NPAS3: variants seen among roughly 807,000 people sequenced by gnomAD.
The protein encoded by NPAS3 is neuronal PAS domain-containing protein 3.
In NPAS3, 14 loss-of-function variants were observed where a neutral mutation model predicts 73.1. The observed-to-expected ratio is 0.19, with a 90% CI of 0.13 to 0.30. The LOEUF (loss-of-function observed/expected upper bound fraction) is 0.30. NPAS3 is among the 10% of genes least tolerant of loss of function. The probability of loss-of-function intolerance (pLI) is 1.00; values close to 1 mark genes in which losing one functional copy is unlikely to be tolerated. For missense variants in NPAS3, 1,096 were observed against 1,250.0 expected (o/e 0.88, Z 1.86); for synonymous variants, 620 against 541.5 (o/e 1.14, Z -2.01).
intron 9 of NPAS3, among the ~76,000 whole-genome samples, chr14:33,791,541 T>A (rs2063359409): frequency 6.6e-6 from 1 of 152,218 alleles, no homozygotes; most frequent in South Asian, 2.1e-4. Context: ...AAGAAGCCTT[T>A]CAGCCCCCTT....
chr14:33,032,693 C>T (rs1389899658), intron 1 of NPAS3, among the ~76,000 whole-genome samples: 1 of 152,214 alleles, frequency 6.6e-6, no homozygotes, highest in African/African-American at 2.4e-5. Flanking sequence ...GATTGAGCTC[C>T]AGTGGTCCAC....
intron 2 of NPAS3, among the ~76,000 whole-genome samples, chr14:33,111,181 C>T (rs895491278): frequency 6.6e-6 from 1 of 152,202 alleles, no homozygotes; most frequent in African/African-American, 2.4e-5. Flanking sequence ...CTGAGCCAGG[C>T]AGAAAGCCTG....
chr14:33,327,966 C>T (rs138947381), intron 3 of NPAS3, among the ~76,000 whole-genome samples: 114 of 152,230 alleles, frequency 7.5e-4, no homozygotes, highest in African/African-American at 2.4e-3. Flanking sequence ...ATATCTCTAG[C>T]CACATTGTAA....
At chr14:33,676,293 T>C in exon 6 of NPAS3, 2 of 1,613,116 alleles carry the variant, frequency 1.2e-6, no homozygotes, top group Non-Finnish European at 1.7e-6. Context: ...GGCATGAAGC[T>C]CCCCCCTGGG....
chr14:33,565,575 C>G (rs1188103684), intron 5 of NPAS3, among the ~76,000 whole-genome samples: 1 of 151,996 alleles, frequency 6.6e-6, no homozygotes, highest in Non-Finnish European at 1.5e-5. Flanking sequence ...GGCTAATACT[C>G]TTACTTCCCT....
chr14:33,003,426 T>C, intron 1 of NPAS3, among the ~76,000 whole-genome samples: 1 of 152,196 alleles, frequency 6.6e-6, no homozygotes, highest in East Asian at 1.9e-4. Context: ...GAAAGCTGAC[T>C]GTAAGAATTT....
At chr14:33,416,360 T>C (rs2099496794) in intron 4 of NPAS3, among the ~76,000 whole-genome samples, 1 of 152,046 alleles carries the variant, frequency 6.6e-6, no homozygotes, top group Admixed American at 6.6e-5. Context: ...TATACTGAGA[T>C]TTTATCTGGC....
chr14:33,352,492 CT>C (rs2140352909), intron 3 of NPAS3, among the ~76,000 whole-genome samples: 1 of 152,338 alleles, frequency 6.6e-6, no homozygotes, highest in African/African-American at 2.4e-5. Flanking sequence ...ACTCTTTGGA[CT>C]GGGTATTATT....
chr14:33,799,596 G>A (rs1595640000), intron 11 of NPAS3, 138 bp from the exon 12 acceptor site: 1 of 812,736 alleles, frequency 1.2e-6, no homozygotes, highest in African/African-American at 1.7e-5. Flanking sequence ...TGATGGAGAA[G>A]CCCGTGATGA....
At chr14:33,351,660 A>G (rs2045062045) in intron 3 of NPAS3, among the ~76,000 whole-genome samples, 1 of 152,236 alleles carries the variant, frequency 6.6e-6, no homozygotes, top group African/African-American at 2.4e-5. Context: ...AAAGATCATT[A>G]CACTCCAAAT....
rs755274978 is a variant in NPAS3 at position 33,800,134 on chromosome 14, C to T, written c.1827C>T (p.Gly609=). 4.4e-6 allele frequency: 7 copies of T among 1,582,646 alleles called. No homozygotes were observed. In the East Asian group the frequency reaches 1.6e-4, roughly 36 times the overall value. Residue 609 remains glycine, a synonymous_variant, in exon 12 of 12, where the codon GGC becomes GGT. Coordinates refer to ENST00000356141, the Ensembl canonical transcript of NPAS3. The surrounding 1 kb of genome is among the most constrained non-coding windows in gnomAD (Gnocchi z 6.5). Reference sequence around the variant, plus strand: ...AGAAAAGGCGGAAACGGCAAAAGGGCGGCAGCGCCAGCCGCCGGCGCCTGT... The same window carrying T: ...AGAAAAGGCGGAAACGGCAAAAGGGTGGCAGCGCCAGCCGCCGGCGCCTGT...
chr14:33,498,497 GAGTACTATGC>G (rs1345025301), intron 4 of NPAS3, among the ~76,000 whole-genome samples: 1 of 152,122 alleles, frequency 6.6e-6, no homozygotes, highest in East Asian at 1.9e-4. Context: ...ATACACCGTG[GAGTACTATGC>G]AGCCATAAAA....
intron 7 of NPAS3, among the ~76,000 whole-genome samples, chr14:33,741,093 T>C (rs974327219): frequency 1.3e-5 from 2 of 152,162 alleles, no homozygotes; most frequent in African/African-American, 4.8e-5. Flanking sequence ...TACACTGAAC[T>C]CATCAGCTAG....
intron 4 of NPAS3, among the ~76,000 whole-genome samples, chr14:33,493,126 A>G (rs1304863079): frequency 6.6e-6 from 1 of 152,156 alleles, no homozygotes; most frequent in African/African-American, 2.4e-5. Flanking sequence ...CTTTCATTTG[A>G]CAAGCCAGTT....
chr14:33,373,871 C>T (rs1566843617), intron 4 of NPAS3, among the ~76,000 whole-genome samples: 1 of 152,076 alleles, frequency 6.6e-6, no homozygotes, highest in Non-Finnish European at 1.5e-5. Flanking sequence ...GATTATGACC[C>T]CTGAGGTTCT....
intron 2 of NPAS3, among the ~76,000 whole-genome samples, chr14:33,114,745 T>A (rs775711719): frequency 4.6e-5 from 7 of 152,110 alleles, no homozygotes; most frequent in Non-Finnish European, 5.9e-5. Flanking sequence ...AGTTTGACAT[T>A]TATAGTAGCT....
chr14:33,619,803 A>G (rs2058028780), intron 5 of NPAS3, among the ~76,000 whole-genome samples: 1 of 152,210 alleles, frequency 6.6e-6, no homozygotes, highest in African/African-American at 2.4e-5. Context: ...GGTATAGACG[A>G]AGATATCCAT....
intron 5 of NPAS3, among the ~76,000 whole-genome samples, chr14:33,614,427 C>T (rs2057850483): frequency 6.6e-6 from 1 of 152,126 alleles, no homozygotes; most frequent in East Asian, 1.9e-4. Flanking sequence ...CTCAGTACTG[C>T]CCTAAATTTC....
downstream of NPAS3, chr14:33,801,637 TTC>T (rs554952151): frequency 4.8e-4 from 74 of 152,886 alleles, no homozygotes; most frequent in African/African-American, 1.7e-3. Flanking sequence ...CAGAATTTAA[TTC>T]TCTTTTTACG....
Sources: allele counts gnomAD v4.1 joint callset (sites outside exome capture counted in the v4.1 genomes callset), GRCh38; gene constraint gnomAD v4.1.1; non-coding constraint Gnocchi (gnomAD v3.1); transcripts MANE v1.5; gene names NCBI Gene and HGNC (gene_info 2026-07-23, HGNC 2026-07-21).